LAMA3: variants seen among roughly 807,000 people sequenced by gnomAD.
LAMA3 encodes the protein laminin subunit alpha 3, also known as laminin subunit alpha-3.
Under a neutral mutation model 402.0 loss-of-function variants are expected in LAMA3, and 281 were observed. That is an observed-to-expected ratio of 0.70 (90% CI 0.63 to 0.77). LAMA3 has a LOEUF of 0.77. LAMA3 is among the 30% of genes least tolerant of loss of function. LAMA3 has a pLI of 0.00. For synonymous variants in LAMA3, 1,431 were observed against 1,558.4 expected, an observed-to-expected ratio of 0.92 and a Z score of 1.93; for missense variants, 3,840 against 4,215.5, an observed-to-expected ratio of 0.91 and a Z score of 2.47.
intron 23 of LAMA3, 21 bp from the exon 24 acceptor site, chr18:23,833,807 T>C (rs1468232819): frequency 1.2e-6 from 2 of 1,612,244 alleles, no homozygotes; most frequent in Non-Finnish European, 1.7e-6. Context: ...TCACAGTCTG[T>C]CTGCTTGGCC....
intron 12 of LAMA3, among the ~76,000 whole-genome samples, chr18:23,795,719 T>G (rs62094786): frequency 0.79 from 120,172 of 151,462 alleles, 48,465 homozygotes; most frequent in African/African-American, 0.95. Flanking sequence ...GGGCTTAAAA[T>G]ATATATATTT....
intron 12 of LAMA3, among the ~76,000 whole-genome samples, chr18:23,807,480 G>GTGTA (rs1555698144): frequency 6.6e-6 from 1 of 151,214 alleles, no homozygotes; most frequent in East Asian, 1.9e-4. Flanking sequence ...GTGTGTGTAT[G>GTGTA]TGTGTGTGTC....
chr18:23,842,678 G>A lies in LAMA3; in HGVS notation c.3531G>A (p.Gln1177=), dbSNP rs1008746744. The stretch of plus-strand genomic sequence containing the variant: ...GGGATCAAGTGATTGCCGAAGGCCA[G>A]ATTGAGTTTGACATCTCAGAGCCTG... ...GCRDQVIAEG[Q]IEFDISEPEV... is the part of the protein sequence containing the mutation. Residue 1177 remains glutamine, a synonymous_variant, in exon 29 of 75, where the codon CAG becomes CAA. Coordinates refer to ENST00000313654, the MANE Select transcript of LAMA3 (RefSeq NM_198129.4). 1 of 1,614,196 alleles carries A rather than the reference G, an allele frequency of 6.2e-7. No homozygotes were observed. Among genetic ancestry groups the A allele is most frequent in the Non-Finnish European group, 8.5e-7 (1 of 1,180,034 alleles).
chr18:23,849,933 A>T (rs1480238260), intron 32 of LAMA3, among the ~76,000 whole-genome samples: 1 of 152,244 alleles, frequency 6.6e-6, no homozygotes, highest in Non-Finnish European at 1.5e-5. Context: ...GAAAATTTAC[A>T]TTACTGTAAA....
chr18:23,789,648 G>A (rs1256288579), intron 12 of LAMA3, among the ~76,000 whole-genome samples: 1 of 152,162 alleles, frequency 6.6e-6, no homozygotes, highest in Non-Finnish European at 1.5e-5. Context: ...ATTTGTGGTT[G>A]GGAGTGAAGG....
At chr18:23,909,501 T>C (rs1462416406) in intron 55 of LAMA3, among the ~76,000 whole-genome samples, 2 of 152,236 alleles carry the variant, frequency 1.3e-5, no homozygotes, top group Non-Finnish European at 2.9e-5. Context: ...ATCTGGTATA[T>C]CAGGATCCTG....
chr18:23,831,230 G>T (rs181807806), intron 23 of LAMA3, among the ~76,000 whole-genome samples: 1 of 152,228 alleles, frequency 6.6e-6, no homozygotes. Context: ...CATTCTGATG[G>T]GAATATTTGA....
intron 12 of LAMA3, among the ~76,000 whole-genome samples, chr18:23,797,453 C>A (rs906105035): frequency 6.6e-6 from 1 of 152,188 alleles, no homozygotes; most frequent in African/African-American, 2.4e-5. Context: ...ATGGCTCATG[C>A]CTGTGATCCC....
At chr18:23,871,377 C>G (rs1043468171) in intron 37 of LAMA3, 54 bp from the exon 38 acceptor site, 7 of 1,456,664 alleles carry the variant, frequency 4.8e-6, no homozygotes, top group South Asian at 2.3e-5. Flanking sequence ...TCTAAGGAAC[C>G]CCTGGAAGTG....
intron 2 of LAMA3, among the ~76,000 whole-genome samples, chr18:23,720,903 TCTCAGCA>T (rs1312785419): frequency 6.6e-6 from 1 of 152,158 alleles, no homozygotes; most frequent in Non-Finnish European, 1.5e-5. Flanking sequence ...ATGTCTATAA[TCTCAGCA>T]CTTTGGGAGG....
chr18:23,708,038 T>C (rs963431898), intron 1 of LAMA3, among the ~76,000 whole-genome samples: 5 of 152,230 alleles, frequency 3.3e-5, no homozygotes, highest in Admixed American at 1.3e-4. Flanking sequence ...CTATGAGAGT[T>C]TGAAGTTTTA....
intron 24 of LAMA3, chr18:23,834,688 C>T (rs913564136): frequency 1.9e-5 from 3 of 153,886 alleles, no homozygotes; most frequent in African/African-American, 4.8e-5. Flanking sequence ...AGATGGAGCA[C>T]TGCAGTAAAC....
chr18:23,815,636 A>G (rs1477951070), intron 17 of LAMA3, 63 bp downstream of exon 17: 1 of 1,106,226 alleles, frequency 9.0e-7, no homozygotes, highest in Non-Finnish European at 1.4e-6. Flanking sequence ...GGTCTAAATA[A>G]CATTTCTTCT....
At chr18:23,892,651 C>T (rs548556141) in intron 42 of LAMA3, among the ~76,000 whole-genome samples, 50 of 151,818 alleles carry the variant, frequency 3.3e-4, no homozygotes, top group African/African-American at 1.2e-3. Flanking sequence ...GCCTGTAATC[C>T]CAGCACTTTG....
chr18:23,701,943 G>A (rs1007325742), intron 1 of LAMA3, among the ~76,000 whole-genome samples: 3 of 152,288 alleles, frequency 2.0e-5, no homozygotes, highest in African/African-American at 4.8e-5. Flanking sequence ...GGAAAAGTGC[G>A]AGGTTGTTTC....
chr18:23,917,305 G>A lies in LAMA3; in HGVS notation c.7923+610G>A, dbSNP rs186408210. On this transcript the variant is annotated intron_variant, in intron 60 of 74. Transcript: ENST00000313654. Reference sequence around the variant, plus strand: ...TTTAGGTTGACTCCATGTCTTTGCCGTTGTGAATAGTGATGCAAGGAACAT... The same window carrying A: ...TTTAGGTTGACTCCATGTCTTTGCCATTGTGAATAGTGATGCAAGGAACAT... Among the ~76,000 whole-genome samples the A allele has an allele frequency of 1.1e-4, 16 of 152,168 alleles. No homozygotes were observed. The East Asian group carries it at 1.2e-3, about 11-fold the overall frequency.
In LAMA3 at chr18:23,879,559, G is replaced by T. The variant is rs1372798899; in HGVS notation, c.5113-2377G>T. 4.6e-5 allele frequency among the ~76,000 whole-genome samples: 7 copies of T among 152,238 alleles called. No individual in the cohort carries two copies. Among genetic ancestry groups the T allele is most frequent in the Non-Finnish European group, 1.5e-5 (1 of 68,042 alleles). On this transcript the variant is annotated intron_variant, in intron 39 of 74. Coordinates refer to ENST00000313654, the MANE Select transcript of LAMA3 (RefSeq NM_198129.4). This position sits in a 1 kb window ranked among gnomAD's most constrained non-coding sequence, Gnocchi z 4.2. Reference sequence around the variant, plus strand: ...CCCTTCTTTACATCGCTAGAGCCTAGCATAGTTGGGCATATAGTAAATGCC... The same window carrying T: ...CCCTTCTTTACATCGCTAGAGCCTATCATAGTTGGGCATATAGTAAATGCC...
At chr18:23,809,030 T>C (rs1019922420) in intron 12 of LAMA3, among the ~76,000 whole-genome samples, 1 of 152,206 alleles carries the variant, frequency 6.6e-6, no homozygotes, top group African/African-American at 2.4e-5. Context: ...TACTAATTCA[T>C]TGATTTTCAT....
At chr18:23,896,759 A>G (rs2080888626) in intron 44 of LAMA3, among the ~76,000 whole-genome samples, 1 of 152,150 alleles carries the variant, frequency 6.6e-6, no homozygotes, top group African/African-American at 2.4e-5. Flanking sequence ...CTATGCTGGA[A>G]TGTTACATAC....
Sources: gnomAD v4.1 joint callset for allele counts (sites outside exome capture counted in the v4.1 genomes callset) on GRCh38, gnomAD v4.1.1 for gene constraint, Gnocchi (gnomAD v3.1) non-coding constraint, MANE v1.5 for transcripts, NCBI Gene and HGNC (gene_info 2026-07-23, HGNC 2026-07-21) for gene names.